Variants in RUNX2 observed in about 807,000 individuals in gnomAD.
The protein encoded by RUNX2 is runt-related transcription factor 2.
RUNX2 carries 10 observed loss-of-function variants against 51.7 expected under a neutral mutation model. The ratio of observed to expected loss-of-function variants is 0.19; its 90% confidence interval spans 0.12 to 0.33. The LOEUF is 0.33. Ranked by LOEUF, RUNX2 falls within the 10% of genes least tolerant of loss-of-function variation. The pLI, the probability that RUNX2 is intolerant of heterozygous loss-of-function variation, is 1.00. For synonymous variants in RUNX2, 276 were observed against 273.6 expected, an observed-to-expected ratio of 1.01 and a Z score of -0.09; for missense variants, 562 against 691.3, an observed-to-expected ratio of 0.81 and a Z score of 2.10.
chr6:45,510,930 G>T (rs1477569670), intron 6 of RUNX2, among the ~76,000 whole-genome samples: 2 of 152,106 alleles, frequency 1.3e-5, no homozygotes, highest in African/African-American at 2.4e-5. Flanking sequence ...TTAAGCCAAG[G>T]TTACACAGAA....
chr6:45,483,712 C>T (rs978146154), intron 5 of RUNX2, among the ~76,000 whole-genome samples: 2 of 152,128 alleles, frequency 1.3e-5, no homozygotes, highest in African/African-American at 4.8e-5. Context: ...TCAAGGCTCT[C>T]GAGACAGGAA....
At chr6:45,484,800 A>C (rs943981877) in intron 5 of RUNX2, among the ~76,000 whole-genome samples, 1 of 151,960 alleles carries the variant, frequency 6.6e-6, no homozygotes, top group Non-Finnish European at 1.5e-5. Context: ...CTACAAACAC[A>C]CTCCTTCATG....
At chr6:45,412,730 GC>G (rs1265856281) in intron 2 of RUNX2, among the ~76,000 whole-genome samples, 1 of 151,156 alleles carries the variant, frequency 6.6e-6, no homozygotes, top group Non-Finnish European at 1.5e-5. Flanking sequence ...GGTGGGAACT[GC>G]CCCTTTTATT....
At chr6:45,397,336 C>T (rs1001252189) in intron 2 of RUNX2, among the ~76,000 whole-genome samples, 5 of 151,810 alleles carry the variant, frequency 3.3e-5, no homozygotes, top group South Asian at 2.1e-4. Context: ...GTCTCGATCT[C>T]GTGACCTTGT....
intron 5 of RUNX2, among the ~76,000 whole-genome samples, chr6:45,462,171 A>G (rs1799496462): frequency 6.6e-6 from 1 of 152,238 alleles, no homozygotes; most frequent in Non-Finnish European, 1.5e-5. Context: ...AATACATGAA[A>G]GGATTTAGAA....
At chr6:45,466,167 T>A (rs1353861568) in intron 5 of RUNX2, among the ~76,000 whole-genome samples, 2 of 151,554 alleles carry the variant, frequency 1.3e-5, no homozygotes, top group South Asian at 2.1e-4. Flanking sequence ...TACAAAAAAA[T>A]TAGCCGAGTG....
chr6:45,356,635 C>T (rs1213168029), intron 2 of RUNX2, among the ~76,000 whole-genome samples: 1 of 151,958 alleles, frequency 6.6e-6, no homozygotes, highest in African/African-American at 2.4e-5. Flanking sequence ...TCCTGACTGA[C>T]CTCAAGTGAT....
intron 2 of RUNX2, among the ~76,000 whole-genome samples, chr6:45,336,794 T>C (rs894797284): frequency 6.6e-6 from 1 of 151,508 alleles, no homozygotes; most frequent in Non-Finnish European, 1.5e-5. Flanking sequence ...TCATTAATAA[T>C]ACATGTAACT....
Position 45,393,976 on chromosome 6 carries a change from G to A in RUNX2, c.59-28617G>A, listed in dbSNP as rs1177444689. Among the ~76,000 whole-genome samples, 15 of 149,004 alleles carry A rather than the reference G, an allele frequency of 1.0e-4. No individual in the cohort carries two copies. The South Asian group carries it at 3.0e-3, about 30-fold the overall frequency. ...TCTCACTCTGCCCAGGCGTGATCTC[G>A]GCTCACTGCAACCTCTGCTTCCCGG... On this transcript the variant is annotated intron_variant, in intron 2 of 8. Coordinates refer to ENST00000647337, the MANE Select transcript of RUNX2 (RefSeq NM_001024630.4).
intron 2 of RUNX2, among the ~76,000 whole-genome samples, chr6:45,375,777 T>C (rs1251411568): frequency 6.6e-6 from 1 of 152,002 alleles, no homozygotes; most frequent in Non-Finnish European, 1.5e-5. Flanking sequence ...AGGTTTTTTA[T>C]TTGTTCTTTT....
chr6:45,518,721 G>T (rs1271810391), intron 7 of RUNX2, among the ~76,000 whole-genome samples: 1 of 152,154 alleles, frequency 6.6e-6, no homozygotes, highest in Non-Finnish European at 1.5e-5. Context: ...ATAGGGAAAA[G>T]ATTTAGTAAT....
chr6:45,542,077 G>A (rs963267242), intron 7 of RUNX2, among the ~76,000 whole-genome samples: 1 of 152,074 alleles, frequency 6.6e-6, no homozygotes, highest in African/African-American at 2.4e-5. Flanking sequence ...AGGATAAGCA[G>A]CATTCGAAAA....
intron 5 of RUNX2, among the ~76,000 whole-genome samples, chr6:45,443,172 T>C (rs1434366456): frequency 6.8e-6 from 1 of 148,004 alleles, no homozygotes; most frequent in Non-Finnish European, 1.5e-5. Context: ...CACCTCAGCC[T>C]CCTGAGTAGC....
At chr6:45,389,548 A>G (rs994640598) in intron 2 of RUNX2, among the ~76,000 whole-genome samples, 1 of 152,234 alleles carries the variant, frequency 6.6e-6, no homozygotes, top group African/African-American at 2.4e-5. Flanking sequence ...ACATTCTCCA[A>G]TTACTTACAA....
At chr6:45,391,534 C>T (rs762171743) in intron 2 of RUNX2, among the ~76,000 whole-genome samples, 1 of 152,116 alleles carries the variant, frequency 6.6e-6, no homozygotes, top group Non-Finnish European at 1.5e-5. Flanking sequence ...TGGCCTAACA[C>T]AATGTATTAG....
At chr6:45,403,544 T>A (rs1393089937) in intron 2 of RUNX2, among the ~76,000 whole-genome samples, 1 of 152,142 alleles carries the variant, frequency 6.6e-6, no homozygotes, top group Non-Finnish European at 1.5e-5. Context: ...GACTTTCCTT[T>A]TAATTAACAT....
chr6:45,535,896 T>A (rs1336625988), intron 7 of RUNX2, among the ~76,000 whole-genome samples: 2 of 151,810 alleles, frequency 1.3e-5, no homozygotes, highest in Admixed American at 6.6e-5. Context: ...ATTATAGAGT[T>A]CATGGAAGTA....
At position 45,466,079 on chromosome 6, in the gene RUNX2, C is replaced by T. The variant is rs527588780; in HGVS notation, c.686-25862C>T. ...CTGTAATCCCAGCACTTTGGGAAGC[C>T]GAGGCGGGCGGATCACTTGAGGCGG... On this transcript the variant is annotated intron_variant, in intron 5 of 8. Coordinates refer to ENST00000647337, the MANE Select transcript of RUNX2 (RefSeq NM_001024630.4). 6.2e-4 allele frequency among the ~76,000 whole-genome samples: 95 copies of T among 152,052 alleles called. 1 individual carries two copies. In the Middle Eastern group the frequency reaches 0.01, roughly 16 times the overall value.
chr6:45,415,175 A>T (rs549091856), intron 2 of RUNX2, among the ~76,000 whole-genome samples: 11 of 152,322 alleles, frequency 7.2e-5, no homozygotes, highest in African/African-American at 2.4e-4. Context: ...TCCAATGAGG[A>T]CAGAGAAACC....
Sources: allele counts gnomAD v4.1 joint callset (sites outside exome capture counted in the v4.1 genomes callset), GRCh38; gene constraint gnomAD v4.1.1; transcripts MANE v1.5; gene names NCBI Gene and HGNC (gene_info 2026-07-23, HGNC 2026-07-21).